The following DGKH variants were observed in gnomAD, a reference collection of about 807,000 sequenced individuals.
The protein encoded by DGKH is DAG kinase eta.
A neutral mutation model predicts 159.3 loss-of-function variants in DGKH; 90 were observed. That is an observed-to-expected ratio of 0.57 (90% CI 0.48 to 0.67). DGKH has a LOEUF of 0.67. DGKH is among the 30% of genes least tolerant of loss of function. The pLI is 0.00. For synonymous variants in DGKH, 536 were observed against 553.8 expected (o/e 0.97, Z 0.45); for missense variants, 1,181 against 1,506.1 (o/e 0.78, Z 3.57).
chr13:42,159,244 C>CGTTTTTTTTTTTTTTTTTTTTTTTTTTT (rs1956115358), intron 5 of DGKH, 22 bp from the exon 6 acceptor site: 1 of 200,416 alleles, frequency 5.0e-6, no homozygotes, highest in Non-Finnish European at 8.6e-6. Context: ...AGCAGTTGCT[C>CGTTTTTTTTTTTTTTTTTTTTTTTTTTT]TTTTTTTTTT....
chr13:42,234,418 A>G lies in DGKH; in HGVS notation c.*5230A>G, dbSNP rs1251539960. The G allele has an allele frequency of 6.6e-6, 1 of 152,212 alleles. No individual in the cohort carries two copies. Among genetic ancestry groups the G allele is most frequent in the Non-Finnish European group, 1.5e-5 (1 of 68,036 alleles). The allele number at this position is 152,212 out of a possible 1,614,324, so 9.4% of individuals were successfully genotyped here. A position where few individuals can be genotyped will look rare whatever the true frequency, so the allele number is the denominator to read the frequency against. ...TCTTCTATCTCCAACTGGGCTGTCA[A>G]CATAGTGGACTTTCATGTTCTATGG... On this transcript the variant is annotated 3_prime_UTR_variant, in exon 30 of 30. Coordinates refer to ENST00000337343, the MANE Select transcript of DGKH (RefSeq NM_178009.5).
chr13:42,122,410 T>C (rs192233812), intron 1 of DGKH, among the ~76,000 whole-genome samples: 1 of 152,226 alleles, frequency 6.6e-6, no homozygotes, highest in East Asian at 1.9e-4. Context: ...CTCTGCAGAG[T>C]CCCAAGGTTA....
At chr13:42,247,461 T>C (rs1958590723), downstream of DGKH, among the ~76,000 whole-genome samples, 1 of 151,968 alleles carries the variant, frequency 6.6e-6, no homozygotes, top group Non-Finnish European at 1.5e-5. Flanking sequence ...GAACTCCTGA[T>C]CTCAAGCAAT....
At chr13:42,119,764 TG>T (rs1955033101) in intron 1 of DGKH, among the ~76,000 whole-genome samples, 1 of 152,220 alleles carries the variant, frequency 6.6e-6, no homozygotes, top group Non-Finnish European at 1.5e-5. Context: ...ATATTCACAT[TG>T]TTTTGCCATG....
intron 7 of DGKH, among the ~76,000 whole-genome samples, chr13:42,162,593 C>G (rs571253052): frequency 1.3e-4 from 20 of 152,228 alleles, no homozygotes; most frequent in African/African-American, 4.8e-4. Flanking sequence ...CATCTGAGGT[C>G]AGAAGTTCAA....
intron 1 of DGKH, among the ~76,000 whole-genome samples, chr13:42,051,379 T>C (rs1461095361): frequency 6.6e-6 from 1 of 152,242 alleles, no homozygotes; most frequent in Admixed American, 6.5e-5. Context: ...CTCCTGCAAC[T>C]GGACTGTTCA....
chr13:42,188,959 A>G (rs954160082), intron 14 of DGKH, 77 bp from the exon 15 acceptor site: 20 of 1,501,844 alleles, frequency 1.3e-5, no homozygotes, highest in Admixed American at 8.6e-5. Flanking sequence ...AAACATCTCT[A>G]TAAAAATTTC....
At chr13:42,183,229 C>T (rs1230704183) in intron 13 of DGKH, among the ~76,000 whole-genome samples, 1 of 151,718 alleles carries the variant, frequency 6.6e-6, no homozygotes, top group African/African-American at 2.4e-5. Context: ...TTCGAGGCTG[C>T]AGTGAGCTGT....
chr13:42,040,632 A>G (rs2137617999), intron 1 of DGKH, among the ~76,000 whole-genome samples: 1 of 150,132 alleles, frequency 6.7e-6, no homozygotes, highest in South Asian at 2.1e-4. Context: ...GGAGCCGCGC[A>G]GGGGAGCGGG....
downstream of DGKH, among the ~76,000 whole-genome samples, chr13:42,244,379 G>A (rs1594270229): frequency 6.6e-6 from 1 of 152,208 alleles, no homozygotes; most frequent in Admixed American, 6.5e-5. Flanking sequence ...AATGAATGAA[G>A]CCACCTGCCT....
At chr13:42,148,662 G>A (rs1026116361) in intron 3 of DGKH, among the ~76,000 whole-genome samples, 3 of 152,182 alleles carry the variant, frequency 2.0e-5, no homozygotes, top group Admixed American at 1.3e-4. Context: ...TTTAGTAACC[G>A]TGCTCTGTCA....
At chr13:42,143,685 G>A (rs1204908214) in intron 3 of DGKH, among the ~76,000 whole-genome samples, 12 of 152,122 alleles carry the variant, frequency 7.9e-5, no homozygotes, top group South Asian at 2.1e-4. Flanking sequence ...GTTTATTTGC[G>A]TAGAGGTGTT....
intron 3 of DGKH, among the ~76,000 whole-genome samples, chr13:42,130,236 C>G (rs1955260797): frequency 6.6e-6 from 1 of 152,198 alleles, no homozygotes; most frequent in South Asian, 2.1e-4. Context: ...TTGTCCTTCT[C>G]TGTCCCACCA....
In DGKH at chr13:42,113,026, G is replaced by T. The variant is rs550270262; in HGVS notation, c.193-14437G>T. ...TTTGTTCGGATCATAGTTGAGTGTA[G>T]CTTGGTTTCTTGTGGGTGGCTAGCC... On this transcript the variant is annotated intron_variant, in intron 1 of 29. Coordinates refer to ENST00000337343, the MANE Select transcript of DGKH (RefSeq NM_178009.5). 7.2e-5 allele frequency among the ~76,000 whole-genome samples: 11 copies of T among 152,262 alleles called. No homozygotes were observed. The South Asian group carries it at 1.9e-3, about 26-fold the overall frequency.
intron 20 of DGKH, among the ~76,000 whole-genome samples, chr13:42,200,569 T>C (rs1178666167): frequency 6.6e-6 from 1 of 152,238 alleles, no homozygotes; most frequent in African/African-American, 2.4e-5. Context: ...TCCTATCTTG[T>C]ATCTTTTTGT....
At chr13:42,084,326 A>G (rs1292908669) in intron 1 of DGKH, among the ~76,000 whole-genome samples, 2 of 152,168 alleles carry the variant, frequency 1.3e-5, no homozygotes, top group Non-Finnish European at 2.9e-5. Context: ...TGCTGTCCAA[A>G]TAGAAATAGT....
At chr13:42,067,436 G>C (rs1426198678) in intron 1 of DGKH, among the ~76,000 whole-genome samples, 1 of 152,060 alleles carries the variant, frequency 6.6e-6, no homozygotes, top group Non-Finnish European at 1.5e-5. Context: ...ATAGAACACA[G>C]AATTACTCAT....
intron 2 of DGKH, among the ~76,000 whole-genome samples, chr13:42,128,632 A>G (rs1325181509): frequency 2.2e-5 from 1 of 45,758 alleles, no homozygotes; most frequent in African/African-American, 9.5e-5. Context: ...TCCTTATTCC[A>G]TGATTCACGA....
chr13:42,157,905 A>G (rs762214500), intron 5 of DGKH, among the ~76,000 whole-genome samples: 2 of 152,096 alleles, frequency 1.3e-5, no homozygotes, highest in Non-Finnish European at 2.9e-5. Context: ...GATTACAGGC[A>G]TGCGCCATCA....
Sources: gnomAD v4.1 joint callset for allele counts (sites outside exome capture counted in the v4.1 genomes callset) on GRCh38, gnomAD v4.1.1 for gene constraint, MANE v1.5 for transcripts, NCBI Gene and HGNC (gene_info 2026-07-23, HGNC 2026-07-21) for gene names.